Variants in TKFC observed in about 807,000 individuals in gnomAD.
TKFC encodes triokinase and FMN cyclase.
TKFC carries 46 observed loss-of-function variants against 61.0 expected under a neutral mutation model. The observed-to-expected ratio is 0.75, with a 90% confidence interval of 0.60 to 0.96. The LOEUF (loss-of-function observed/expected upper bound fraction) is 0.96, where lower values mean the gene tolerates loss of function less well. TKFC is among the 50% of genes least tolerant of loss of function. The probability of loss-of-function intolerance (pLI) is 0.00; values close to 1 mark genes in which losing one functional copy is unlikely to be tolerated. For missense variants in TKFC, 715 were observed against 777.5 expected (o/e 0.92, Z 0.96); for synonymous variants, 314 against 330.1 (o/e 0.95, Z 0.53).
At chr11:61,339,216 A>G (rs1419677300) in intron 4 of TKFC, 38 bp from the exon 5 acceptor site, 2 of 1,611,692 alleles carry the variant, frequency 1.2e-6, no homozygotes, top group South Asian at 1.1e-5. Flanking sequence ...CAGGGAGGGC[A>G]CAGTAAGCAC....
At chr11:61,353,072 G>T (rs201384498), downstream of TKFC, 132 of 1,613,992 alleles carry the variant, frequency 8.2e-5, no homozygotes, top group Middle Eastern at 3.3e-4. Context: ...GACGTGGATA[G>T]GTTTTAGGAG....
intron 6 of TKFC, 57 bp from the exon 7 acceptor site, chr11:61,341,765 TC>T: frequency 3.3e-6 from 5 of 1,528,262 alleles, no homozygotes; most frequent in Non-Finnish European, 3.6e-6. Context: ...CTGCCACCCT[TC>T]CTGATGCCCA....
At chr11:61,344,073 A>G (rs564313948) in intron 12 of TKFC, 63 bp from the exon 13 acceptor site, 68 of 1,603,680 alleles carry the variant, frequency 4.2e-5, no homozygotes, top group Middle Eastern at 2.1e-4. Flanking sequence ...ACCTCCCACC[A>G]TAGTCAAGTG....
At chr11:61,343,007 T>C (rs1454353332) in intron 10 of TKFC, 163 bp downstream of exon 10, 1 of 701,984 alleles carries the variant, frequency 1.4e-6, no homozygotes. Context: ...TGTTTTCTTG[T>C]CTGCAAATTG....
At chr11:61,342,221 T>C (rs1173225641) in intron 7 of TKFC, 4 of 619,620 alleles carry the variant, frequency 6.5e-6, no homozygotes, top group African/African-American at 1.8e-5. Flanking sequence ...ATCACCTGGC[T>C]GCAAAGCTTT....
Position 61,342,623 on chromosome 11 carries a change from A to C in TKFC, c.740A>C (p.Asn247Thr), listed in dbSNP as rs769217531. The change falls in exon 9 of 18, where the codon AAC becomes ACC. Residue 247 changes from asparagine to threonine, a missense_variant. Asn to Thr is a moderately conservative substitution (Grantham distance 65). Transcript: ENST00000394900. ...AAACTCATGCTCGACCACATGACAA[A>C]CACCACCAACGCGTCCCATGTGCCT... ...IVKLMLDHMT[N>T]TTNASHVPVQ... 18 of 1,613,878 alleles carry C rather than the reference A, an allele frequency of 1.1e-5. No individual in the cohort carries two copies. The highest frequency in any genetic ancestry group is 1.6e-4 in the Middle Eastern group (1 of 6,084).
downstream of TKFC, chr11:61,353,268 A>C (rs960472336): frequency 2.5e-6 from 3 of 1,193,768 alleles, no homozygotes; most frequent in Non-Finnish European, 3.4e-6. Flanking sequence ...CCCACCTGGC[A>C]TTGCCCACTA....
rs1856961015 is a variant in TKFC, at chr11:61,343,378, G to C, written c.902G>C (p.Gly301Ala). ...RGVKIARALV[G>A]TFMSALEMPG... ...GTGAAGATTGCCCGTGCCCTGGTGG[G>C]CACCTTCATGTCAGCACTGGAGATG... Residue 301 changes from glycine to alanine, a missense_variant, in exon 11 of 18, where the codon GGC becomes GCC. Physicochemically the swap from Gly to Ala is moderately conservative, Grantham distance 60. Transcript: ENST00000394900. 1 of 1,614,082 alleles carries C rather than the reference G, an allele frequency of 6.2e-7. No individual in the cohort carries two copies. Among genetic ancestry groups the C allele is most frequent in the Admixed American group, 1.7e-5 (1 of 60,010 alleles).
intron 13 of TKFC, 93 bp from the exon 14 acceptor site, chr11:61,345,167 G>T: frequency 9.4e-7 from 1 of 1,066,498 alleles, no homozygotes. Flanking sequence ...CCACTTCCCT[G>T]TCGGCCTTTT....
intron 6 of TKFC, 22 bp from the exon 7 acceptor site, chr11:61,341,801 C>G (rs1368234693): frequency 6.2e-7 from 1 of 1,607,718 alleles, no homozygotes; most frequent in Non-Finnish European, 8.5e-7. Flanking sequence ...ACAGTCATCC[C>G]TTCATGCCTT....
chr11:61,349,676 A>T (rs774479891), downstream of TKFC: 372 of 702,330 alleles, frequency 5.3e-4, 1 homozygote, highest in Non-Finnish European at 8.3e-4. Context: ...GTCACAATAC[A>T]TGCAGACACA....
intron 5 of TKFC, among the ~76,000 whole-genome samples, chr11:61,341,120 T>C (rs992326472): frequency 2.6e-5 from 4 of 152,100 alleles, no homozygotes; most frequent in African/African-American, 9.7e-5. Context: ...GAGAGAACTC[T>C]GGAACTCTAG....
Position 61,341,445 on chromosome 11 carries a change from G to A in TKFC, c.496G>A (p.Ala166Thr). The stretch of plus-strand genomic sequence containing the variant: ...CTCTTTGTGGCTGCAGGTGGCAGGT[G>A]CTCTGGCTGAGGCTGGTGTGGGGCT... ...GTVLIHKVAG[A>T]LAEAGVGLEE... Residue 166 changes from alanine to threonine, a missense_variant, in exon 6 of 18, where the codon GCT becomes ACT. Transcript: ENST00000394900. 1 of 1,553,882 alleles carries A rather than the reference G, an allele frequency of 6.4e-7. No homozygotes were observed. Among genetic ancestry groups the A allele is most frequent in the Non-Finnish European group, 8.7e-7 (1 of 1,148,062 alleles).
At position 61,347,362 on chromosome 11, in the gene TKFC, T is replaced by A; in HGVS notation, c.*859T>A. On this transcript the variant is annotated 3_prime_UTR_variant, in exon 18 of 18. Coordinates refer to ENST00000394900, the MANE Select transcript of TKFC (RefSeq NM_015533.4). Reference sequence around the variant, plus strand: ...TTCAAGACCAGTCTGGGCAACATGGTAAAACCCTGTCTCTACCAAAAAATA... The same window carrying A: ...TTCAAGACCAGTCTGGGCAACATGGAAAAACCCTGTCTCTACCAAAAAATA... 1.1e-6 allele frequency: 1 copy of A among 892,364 alleles called. No individual in the cohort carries two copies. The highest frequency in any genetic ancestry group is 1.3e-6 in the Non-Finnish European group (1 of 745,366). 55.3% of individuals were successfully genotyped at this position (892,364 alleles called of 1,614,324 possible).
At chr11:61,350,317 C>T (rs370802615), downstream of TKFC, 36 of 1,547,594 alleles carry the variant, frequency 2.3e-5, no homozygotes, top group Admixed American at 9.8e-5. Context: ...TGAAACCAGC[C>T]GGGAGCCCTG....
At position 61,346,046 on chromosome 11, in the gene TKFC, G is replaced by A. The variant is rs760867653; in HGVS notation, c.1575+100G>A. ...AGCAAGTTAATAACCTTCCTGGACC[G>A]CAGTTTCCTTCTCTGTACAATGGAG... On this transcript the variant is annotated intron_variant, in intron 17 of 17. Coordinates refer to ENST00000394900, the MANE Select transcript of TKFC (RefSeq NM_015533.4). The surrounding 1 kb of genome is among the most constrained non-coding windows in gnomAD (Gnocchi z 4.1). The A allele has an allele frequency of 2.3e-5, 30 of 1,307,546 alleles. No homozygotes were observed. Among genetic ancestry groups the A allele is most frequent in the South Asian group, 1.0e-4 (8 of 76,458 alleles). The allele number at this position is 1,307,546 out of a possible 1,614,324, so 81.0% of individuals were successfully genotyped here.
Position 61,345,694 on chromosome 11 carries a change from A to C in TKFC, c.1452-18A>C, listed in dbSNP as rs960383180. 6.2e-7 allele frequency: 1 copy of C among 1,613,788 alleles called. No homozygotes were observed. The highest frequency in any genetic ancestry group is 8.5e-7 in the Non-Finnish European group (1 of 1,179,952). ...TGGTTCCCTATAGTGAGCCTCTTTC[A>C]CTCTCTTTCCCTGCCAGGTATGGCA... On this transcript the variant is annotated intron_variant, in intron 15 of 17. Transcript: ENST00000394900.
chr11:61,339,330 T>C lies in TKFC; in HGVS notation c.381T>C (p.Ala127=). 1 of 1,613,874 alleles carries C rather than the reference T, an allele frequency of 6.2e-7. No homozygotes were observed. Among genetic ancestry groups the C allele is most frequent in the Non-Finnish European group, 8.5e-7 (1 of 1,180,024 alleles). ...NFGLAREQAR[A]EGIPVEMVVI... ...GCCTGGCCCGGGAGCAGGCCCGGGCTGAAGGCATCCCGGTGGAGATGGTGG... is the reference window on the plus strand; with the variant it reads ...GCCTGGCCCGGGAGCAGGCCCGGGCCGAAGGCATCCCGGTGGAGATGGTGG... The change falls in exon 5 of 18, where the codon GCT becomes GCC. Residue 127 remains alanine, a synonymous_variant. Coordinates refer to ENST00000394900, the MANE Select transcript of TKFC (RefSeq NM_015533.4).
intron 13 of TKFC, among the ~76,000 whole-genome samples, chr11:61,344,747 C>G (rs534080560): frequency 6.6e-6 from 1 of 152,330 alleles, no homozygotes; most frequent in South Asian, 2.1e-4. Flanking sequence ...TAACTTACAA[C>G]TCAAGGCGAA....
Sources: gnomAD v4.1 joint callset for allele counts (sites outside exome capture counted in the v4.1 genomes callset) on GRCh38, gnomAD v4.1.1 for gene constraint, Gnocchi (gnomAD v3.1) non-coding constraint, MANE v1.5 for transcripts, NCBI Gene and HGNC (gene_info 2026-07-23, HGNC 2026-07-21) for gene names.